The following CACNA2D3 variants were observed in gnomAD, a reference collection of about 807,000 sequenced individuals.
The protein encoded by CACNA2D3 is voltage-dependent calcium channel subunit alpha-2/delta-3.
Under a neutral mutation model 160.6 loss-of-function variants are expected in CACNA2D3, and 60 were observed. That is an observed-to-expected ratio of 0.37 (90% confidence interval 0.30 to 0.46). The LOEUF is 0.46. Among genes scored for constraint, CACNA2D3 ranks in the 20% least tolerant of loss-of-function variants. The pLI is 1.00. For missense variants in CACNA2D3, 1,205 were observed against 1,365.0 expected, an observed-to-expected ratio of 0.88 and a Z score of 1.85; for synonymous variants, 558 against 492.9, an observed-to-expected ratio of 1.13 and a Z score of -1.75.
At chr3:54,377,222 G>T (rs1157760640) in intron 3 of CACNA2D3, among the ~76,000 whole-genome samples, 2 of 152,180 alleles carry the variant, frequency 1.3e-5, no homozygotes, top group Non-Finnish European at 2.9e-5. Context: ...TCCGTTTTCA[G>T]CCTCACTGAT....
intron 13 of CACNA2D3, among the ~76,000 whole-genome samples, chr3:54,776,895 T>C (rs530363542): frequency 4.2e-4 from 64 of 152,286 alleles, no homozygotes; most frequent in South Asian, 3.3e-3. Flanking sequence ...CTGAGGAAGA[T>C]ATTTTGGCCA....
intron 5 of CACNA2D3, among the ~76,000 whole-genome samples, chr3:54,542,967 C>A (rs773409559): frequency 6.6e-6 from 1 of 152,238 alleles, no homozygotes. Context: ...TGGTCATATT[C>A]GTTGGAATTA....
intron 3 of CACNA2D3, among the ~76,000 whole-genome samples, chr3:54,323,367 A>G (rs1704049484): frequency 1.3e-5 from 2 of 152,048 alleles, no homozygotes; most frequent in Non-Finnish European, 2.9e-5. Context: ...ACTGGAATGC[A>G]CCACTGTGAG....
chr3:54,714,635 G>C (rs1164379119), intron 11 of CACNA2D3, among the ~76,000 whole-genome samples: 3 of 152,138 alleles, frequency 2.0e-5, no homozygotes, highest in African/African-American at 7.2e-5. Flanking sequence ...TTACACTCTT[G>C]ACAAAAATTT....
At chr3:54,365,193 A>C (rs1203575525) in intron 3 of CACNA2D3, among the ~76,000 whole-genome samples, 1 of 152,216 alleles carries the variant, frequency 6.6e-6, no homozygotes, top group Non-Finnish European at 1.5e-5. Flanking sequence ...AACATCCTGC[A>C]GTCCTCTGTC....
chr3:54,459,887 A>G (rs2106838421), intron 4 of CACNA2D3, among the ~76,000 whole-genome samples: 1 of 152,308 alleles, frequency 6.6e-6, no homozygotes, highest in East Asian at 1.9e-4. Flanking sequence ...GTTTTCTTGT[A>G]GGGTTTTTAT....
At chr3:54,652,386 C>T (rs1699786968) in intron 11 of CACNA2D3, among the ~76,000 whole-genome samples, 1 of 152,168 alleles carries the variant, frequency 6.6e-6, no homozygotes, top group African/African-American at 2.4e-5. Context: ...GAGCAGATAA[C>T]AGATCACAGG....
rs1702231613 is a variant in CACNA2D3 at position 54,969,830 on chromosome 3, A to G, written c.2542A>G (p.Ser848Gly). The change falls in exon 29 of 38, where the codon AGC becomes GGC. Residue 848 changes from serine to glycine, a missense_variant. This residue lies in a region of CACNA2D3 where 911 missense variants were observed against 1,002.2 expected (regional missense o/e 0.91). Transcript: ENST00000474759. ...TTCCCTGGATGGCAAATGCTCCATC[A>G]GCTGTGATGATGAGGTAAGACGGCC... is the stretch of plus-strand genomic sequence containing the variant. ...CASLDGKCSI[S>G]CDDETVNCYL... is the part of the protein sequence containing the mutation. 2 of 1,613,442 alleles carry G rather than the reference A, an allele frequency of 1.2e-6. No homozygotes were observed. The highest frequency in any genetic ancestry group is 2.2e-5 in the South Asian group (2 of 90,972).
chr3:54,678,519 G>T (rs1700282102), intron 11 of CACNA2D3, among the ~76,000 whole-genome samples: 1 of 151,952 alleles, frequency 6.6e-6, no homozygotes. Context: ...TCAGGAGTTT[G>T]AGGCCAGCCT....
chr3:55,036,459 T>G (rs949723078), intron 35 of CACNA2D3, among the ~76,000 whole-genome samples: 6 of 151,702 alleles, frequency 4.0e-5, no homozygotes, highest in African/African-American at 1.4e-4. Flanking sequence ...TTTATTTTAT[T>G]TTTTATTTTT....
intron 3 of CACNA2D3, among the ~76,000 whole-genome samples, chr3:54,350,991 T>TG (rs1298465326): frequency 0.011 from 1,071 of 100,090 alleles, 51 homozygotes; most frequent in Non-Finnish European, 0.017. Context: ...TGTTTGTTTT[T>TG]TTTTTTTTTT....
intron 5 of CACNA2D3, among the ~76,000 whole-genome samples, chr3:54,525,971 A>G (rs941214125): frequency 2.0e-5 from 3 of 151,428 alleles, no homozygotes; most frequent in African/African-American, 7.3e-5. Context: ...CCCATCACCC[A>G]TATGTTGGTG....
At chr3:54,908,691 T>C (rs1177530792) in intron 27 of CACNA2D3, among the ~76,000 whole-genome samples, 2 of 152,204 alleles carry the variant, frequency 1.3e-5, no homozygotes, top group African/African-American at 4.8e-5. Flanking sequence ...TGCTCCAGCC[T>C]GGGTGACAGA....
intron 2 of CACNA2D3, among the ~76,000 whole-genome samples, chr3:54,159,747 C>G (rs1700308491): frequency 6.6e-6 from 1 of 152,128 alleles, no homozygotes; most frequent in South Asian, 2.1e-4. Flanking sequence ...GAATTTCCCT[C>G]TTTTGAAAAA....
intron 2 of CACNA2D3, among the ~76,000 whole-genome samples, chr3:54,196,690 A>T (rs1203984350): frequency 3.3e-5 from 5 of 152,148 alleles, no homozygotes; most frequent in African/African-American, 1.2e-4. Context: ...GTTTTCTGTA[A>T]TTTCCCACTT....
At chr3:54,462,728 C>A (rs1408496685) in intron 4 of CACNA2D3, among the ~76,000 whole-genome samples, 1 of 152,156 alleles carries the variant, frequency 6.6e-6, no homozygotes, top group African/African-American at 2.4e-5. Context: ...ACTCTTTATC[C>A]AATTTGCCAG....
At chr3:54,205,338 C>T (rs970159630) in intron 2 of CACNA2D3, among the ~76,000 whole-genome samples, 15 of 152,086 alleles carry the variant, frequency 9.9e-5, no homozygotes, top group African/African-American at 3.4e-4. Context: ...GGTGATCCAC[C>T]CGCCTTGGCC....
intron 2 of CACNA2D3, among the ~76,000 whole-genome samples, chr3:54,233,093 CTGAGAGGGAGGCATT>C (rs1404004830): frequency 5.3e-5 from 8 of 152,174 alleles, no homozygotes. Context: ...GAAGGCCCCT[CTGAGAGGGAGGCATT>C]TGAGTAGAGA....
intron 13 of CACNA2D3, among the ~76,000 whole-genome samples, chr3:54,799,642 T>C (rs1021600402): frequency 1.3e-5 from 2 of 152,238 alleles, no homozygotes; most frequent in Non-Finnish European, 2.9e-5. Flanking sequence ...CTGCCTTTTG[T>C]AGGGAATATG....
Sources: allele counts gnomAD v4.1 joint callset (sites outside exome capture counted in the v4.1 genomes callset), GRCh38; gene constraint gnomAD v4.1.1; regional missense constraint gnomAD v4.1.1; transcripts MANE v1.5; gene names NCBI Gene and HGNC (gene_info 2026-07-23, HGNC 2026-07-21).